The following ITGBL1 variants were observed in gnomAD, a reference collection of about 807,000 sequenced individuals.
ITGBL1 encodes the protein integrin subunit beta like 1.
A neutral mutation model predicts 68.5 loss-of-function variants in ITGBL1; 51 were observed. That is an observed-to-expected ratio of 0.74 (90% CI 0.59 to 0.94). The LOEUF is 0.94. ITGBL1 is among the 40% of genes least tolerant of loss of function. The probability of loss-of-function intolerance (pLI) is 0.00; values close to 1 mark genes in which losing one functional copy is unlikely to be tolerated. For synonymous variants in ITGBL1, 209 were observed against 227.3 expected, an observed-to-expected ratio of 0.92 and a Z score of 0.72; for missense variants, 649 against 647.4, an observed-to-expected ratio of 1.00 and a Z score of -0.03.
At chr13:101,461,274 C>T (rs1488858314) in intron 2 of ITGBL1, among the ~76,000 whole-genome samples, 1 of 152,172 alleles carries the variant, frequency 6.6e-6, no homozygotes, top group Non-Finnish European at 1.5e-5. Context: ...CTAAAACTGA[C>T]ATCGCATGTT....
intron 2 of ITGBL1, among the ~76,000 whole-genome samples, chr13:101,481,363 A>C (rs947747336): frequency 5.3e-5 from 8 of 152,030 alleles, no homozygotes; most frequent in Non-Finnish European, 1.0e-4. Context: ...TAATAGTGAA[A>C]TTAATAATAT....
At chr13:101,508,735 T>C (rs901273127) in intron 2 of ITGBL1, among the ~76,000 whole-genome samples, 2 of 152,148 alleles carry the variant, frequency 1.3e-5, no homozygotes, top group Non-Finnish European at 2.9e-5. Context: ...GATTTTTTAT[T>C]TGTGATTTCT....
chr13:101,565,697 C>T (rs1025687582), intron 2 of ITGBL1, among the ~76,000 whole-genome samples: 1 of 152,122 alleles, frequency 6.6e-6, no homozygotes, highest in African/African-American at 2.4e-5. Context: ...ATATGAGGCT[C>T]ATTAGTGTGC....
Position 101,604,873 on chromosome 13 carries a change from T to TACACACACACAC in ITGBL1, c.1015+6575_1015+6576insCACACACACACA, listed in dbSNP as rs1469800995. Among the ~76,000 whole-genome samples, 5 of 20,124 alleles carry TACACACACACAC rather than the reference T, an allele frequency of 2.5e-4. 1 individual carries two copies. In the East Asian group the frequency reaches 0.013, roughly 50 times the overall value. The allele number at this position is 20,124 out of a possible 152,430, so 13.2% of individuals were successfully genotyped here. A position where few individuals can be genotyped will look rare whatever the true frequency, so the allele number is the denominator to read the frequency against. Reference sequence around the variant, plus strand: ...ATATATATATATATATATATATATATATATATATATATATACACACACACA... The same window carrying TACACACACACAC: ...ATATATATATATATATATATATATATACACACACACACATATATATATATATACACACACACA... On this transcript the variant is annotated intron_variant, in intron 7 of 10. Coordinates refer to ENST00000376180, the MANE Select transcript of ITGBL1 (RefSeq NM_004791.3).
chr13:101,697,490 T>C (rs932710597), intron 8 of ITGBL1, among the ~76,000 whole-genome samples: 2 of 152,184 alleles, frequency 1.3e-5, no homozygotes, highest in Non-Finnish European at 2.9e-5. Flanking sequence ...TTTTTTCATG[T>C]AAGATTTAAG....
intron 7 of ITGBL1, among the ~76,000 whole-genome samples, chr13:101,642,748 T>TA (rs1349673187): frequency 1.3e-5 from 2 of 151,908 alleles, no homozygotes; most frequent in African/African-American, 4.8e-5. Context: ...GTATAAGGTG[T>TA]AAGGAAGGGA....
At chr13:101,586,860 T>C (rs977421550) in intron 6 of ITGBL1, among the ~76,000 whole-genome samples, 5 of 152,234 alleles carry the variant, frequency 3.3e-5, no homozygotes, top group Non-Finnish European at 7.3e-5. Context: ...TTATGCTTAT[T>C]AGTCTTTAAA....
intron 7 of ITGBL1, among the ~76,000 whole-genome samples, chr13:101,639,602 G>T (rs1226123858): frequency 6.6e-6 from 1 of 151,968 alleles, no homozygotes; most frequent in Non-Finnish European, 1.5e-5. Flanking sequence ...TTTCAATTTG[G>T]GTCTTTAGGT....
At chr13:101,649,458 A>G (rs61965080) in intron 7 of ITGBL1, among the ~76,000 whole-genome samples, 1 of 152,094 alleles carries the variant, frequency 6.6e-6, no homozygotes, top group Non-Finnish European at 1.5e-5. Flanking sequence ...TCCTAAATAA[A>G]TGATTAAAGA....
chr13:101,475,333 T>A (rs1400481605), intron 2 of ITGBL1, among the ~76,000 whole-genome samples: 1 of 151,978 alleles, frequency 6.6e-6, no homozygotes, highest in African/African-American at 2.4e-5. Flanking sequence ...ACAGAATTGA[T>A]CAAACAGAAG....
At chr13:101,655,831 ATTG>A (rs2032904276) in intron 7 of ITGBL1, among the ~76,000 whole-genome samples, 1 of 152,178 alleles carries the variant, frequency 6.6e-6, no homozygotes, top group Admixed American at 6.5e-5. Context: ...AAGCCTTAAT[ATTG>A]TTGACGAAAA....
intron 7 of ITGBL1, among the ~76,000 whole-genome samples, chr13:101,603,551 G>A (rs1354361869): frequency 2.6e-5 from 4 of 151,742 alleles, no homozygotes; most frequent in Non-Finnish European, 4.4e-5. Flanking sequence ...ATATCCCTCA[G>A]ACTGCTTAGT....
At chr13:101,636,260 G>T (rs922948925) in intron 7 of ITGBL1, among the ~76,000 whole-genome samples, 1 of 152,012 alleles carries the variant, frequency 6.6e-6, no homozygotes, top group African/African-American at 2.4e-5. Flanking sequence ...GACACTTTCA[G>T]GAAGAAAAAC....
At chr13:101,539,651 A>G (rs909058487) in intron 2 of ITGBL1, among the ~76,000 whole-genome samples, 15 of 151,568 alleles carry the variant, frequency 9.9e-5, no homozygotes, top group African/African-American at 3.4e-4. Context: ...TGGTTGAATT[A>G]GTTTACAGTC....
At chr13:101,495,772 GTGTC>G (rs1201935245) in intron 2 of ITGBL1, among the ~76,000 whole-genome samples, 1 of 152,094 alleles carries the variant, frequency 6.6e-6, no homozygotes, top group East Asian at 1.9e-4. Flanking sequence ...AGATTTCATG[GTGTC>G]TGTCTGGGAC....
chr13:101,674,124 A>G (rs2033442733), intron 7 of ITGBL1, among the ~76,000 whole-genome samples: 1 of 150,598 alleles, frequency 6.6e-6, no homozygotes, highest in Admixed American at 6.6e-5. Flanking sequence ...GCCTGATAAT[A>G]AGACTTTGAC....
rs370493906 is a variant in ITGBL1, at chr13:101,701,532, AAAAAT to A, written c.1133-5211_1133-5207del. ...GTGACAGAGCAAGACTCCATCTCAA[AAAAAT>A]AAAATAAAATAATAATAAATAAATA... On this transcript the variant is annotated intron_variant, in intron 8 of 10. Transcript: ENST00000376180. 4.1e-4 allele frequency among the ~76,000 whole-genome samples: 62 copies of A among 152,120 alleles called. No individual in the cohort carries two copies. In the East Asian group the frequency reaches 4.8e-3, roughly 12 times the overall value.
chr13:101,460,989 CTA>C (rs1305270467), intron 2 of ITGBL1, among the ~76,000 whole-genome samples: 1 of 152,170 alleles, frequency 6.6e-6, no homozygotes, highest in East Asian at 1.9e-4. Context: ...CACATCCAAA[CTA>C]TATCACACAG....
intron 7 of ITGBL1, among the ~76,000 whole-genome samples, chr13:101,626,093 T>C (rs1430320497): frequency 6.6e-6 from 1 of 152,158 alleles, no homozygotes; most frequent in African/African-American, 2.4e-5. Context: ...CTATTCAAAG[T>C]GTGGTTTGTA....
Sources: gnomAD v4.1 joint callset for allele counts (sites outside exome capture counted in the v4.1 genomes callset) on GRCh38, gnomAD v4.1.1 for gene constraint, MANE v1.5 for transcripts, NCBI Gene and HGNC (gene_info 2026-07-23, HGNC 2026-07-21) for gene names.